The following FER variants were observed in gnomAD, a reference collection of about 807,000 sequenced individuals.
FER encodes FER tyrosine kinase, also known as tyrosine-protein kinase Fer.
In FER, 63 loss-of-function variants were observed where a neutral mutation model predicts 111.0. The observed-to-expected ratio is 0.57, with a 90% CI of 0.46 to 0.70. The LOEUF (loss-of-function observed/expected upper bound fraction) is 0.70, where lower values mean the gene tolerates loss of function less well. FER is among the 30% of genes least tolerant of loss of function. The probability of loss-of-function intolerance (pLI) is 0.00; values close to 1 mark genes in which losing one functional copy is unlikely to be tolerated. For synonymous variants in FER, 327 were observed against 313.9 expected, an observed-to-expected ratio of 1.04 and a Z score of -0.44; for missense variants, 914 against 954.0, an observed-to-expected ratio of 0.96 and a Z score of 0.55.
chr5:109,135,674 C>A (rs1007805360), intron 17 of FER, among the ~76,000 whole-genome samples: 1 of 152,086 alleles, frequency 6.6e-6, no homozygotes, highest in African/African-American at 2.4e-5. Flanking sequence ...CCACTATTAT[C>A]CAGTAATCCA....
chr5:109,031,412 C>G (rs12153646), intron 13 of FER, among the ~76,000 whole-genome samples: 28,218 of 151,970 alleles, frequency 0.19, 2,777 homozygotes, highest in Non-Finnish European at 0.22. Context: ...GTCCAATGAC[C>G]ATAGTATTTT....
intron 2 of FER, among the ~76,000 whole-genome samples, chr5:108,776,734 A>G (rs1272772277): frequency 6.6e-6 from 1 of 152,210 alleles, no homozygotes; most frequent in African/African-American, 2.4e-5. Context: ...TTTTTAAAAA[A>G]GTTTTAAATC....
At chr5:109,147,021 A>G (rs754675787) in intron 17 of FER, among the ~76,000 whole-genome samples, 11 of 152,086 alleles carry the variant, frequency 7.2e-5, no homozygotes, top group Non-Finnish European at 1.6e-4. Context: ...AATATATGTG[A>G]TAAGTGACCA....
chr5:109,051,273 C>A, intron 16 of FER: 1 of 1,334,082 alleles, frequency 7.5e-7, no homozygotes, highest in South Asian at 1.2e-5. Context: ...TTTTTCTTCT[C>A]CACAAGTGAG....
intron 13 of FER, among the ~76,000 whole-genome samples, chr5:108,984,171 G>T (rs1473220226): frequency 6.7e-6 from 1 of 149,226 alleles, no homozygotes; most frequent in South Asian, 2.1e-4. Flanking sequence ...AAAAGTAAAA[G>T]ATCCCTAAAA....
chr5:108,847,785 G>C (rs1448294184), intron 5 of FER, among the ~76,000 whole-genome samples: 1 of 151,974 alleles, frequency 6.6e-6, no homozygotes, highest in Non-Finnish European at 1.5e-5. Flanking sequence ...TAATAATATT[G>C]TTTGCTCTGT....
At chr5:108,845,041 C>CACATAT (rs1761848462) in intron 5 of FER, among the ~76,000 whole-genome samples, 1 of 46,392 alleles carries the variant, frequency 2.2e-5, no homozygotes, top group Non-Finnish European at 4.1e-5. Context: ...TATATATATA[C>CACATAT]ATATATATAT....
chr5:109,186,697 T>G (rs1009617667), intron 19 of FER, among the ~76,000 whole-genome samples: 2 of 152,236 alleles, frequency 1.3e-5, no homozygotes, highest in Non-Finnish European at 1.5e-5. Context: ...TCAGGAAGTC[T>G]TTGAGAATAT....
At chr5:109,136,847 C>T (rs1222448290) in intron 17 of FER, among the ~76,000 whole-genome samples, 1 of 152,060 alleles carries the variant, frequency 6.6e-6, no homozygotes, top group Non-Finnish European at 1.5e-5. Flanking sequence ...AAGCTTTAAC[C>T]ACTATGGCAT....
intron 16 of FER, among the ~76,000 whole-genome samples, chr5:109,082,180 T>G (rs1284430370): frequency 6.6e-6 from 1 of 152,084 alleles, no homozygotes; most frequent in Non-Finnish European, 1.5e-5. Flanking sequence ...ATTCTTTCTT[T>G]GTTCATTTCT....
At chr5:108,865,502 A>G (rs144530882) in intron 5 of FER, among the ~76,000 whole-genome samples, 3,217 of 152,260 alleles carry the variant, frequency 0.021, 110 homozygotes, top group African/African-American at 0.074. Flanking sequence ...CCTTGGCAAT[A>G]CCATTCAGGA....
intron 13 of FER, among the ~76,000 whole-genome samples, chr5:108,966,128 C>T (rs981727801): frequency 6.6e-6 from 1 of 152,136 alleles, no homozygotes; most frequent in African/African-American, 2.4e-5. Flanking sequence ...CATAAGCCTA[C>T]CTCAGACTTT....
At chr5:109,129,439 T>C (rs989377365) in intron 17 of FER, among the ~76,000 whole-genome samples, 6 of 152,042 alleles carry the variant, frequency 3.9e-5, no homozygotes, top group African/African-American at 9.7e-5. Context: ...CTGTATCATA[T>C]AGTAATTTTA....
At chr5:108,974,891 G>A (rs1186662009) in intron 13 of FER, among the ~76,000 whole-genome samples, 7 of 152,120 alleles carry the variant, frequency 4.6e-5, no homozygotes, top group Non-Finnish European at 8.8e-5. Flanking sequence ...AGCCCCAAGA[G>A]ACTCATTCTG....
At chr5:108,973,219 A>G (rs1349078989) in intron 13 of FER, among the ~76,000 whole-genome samples, 1 of 152,158 alleles carries the variant, frequency 6.6e-6, no homozygotes, top group African/African-American at 2.4e-5. Context: ...TTTAAAAAAC[A>G]CCATTTATCT....
chr5:108,808,092 C>A (rs1183538947), intron 3 of FER, among the ~76,000 whole-genome samples: 1 of 150,762 alleles, frequency 6.6e-6, no homozygotes, highest in Non-Finnish European at 1.5e-5. Context: ...AATGTGTATT[C>A]TGTGTATGAT....
chr5:109,108,732 A>G (rs753173871), intron 17 of FER, among the ~76,000 whole-genome samples: 3 of 152,144 alleles, frequency 2.0e-5, no homozygotes, highest in African/African-American at 7.2e-5. Flanking sequence ...CACTTTTTCT[A>G]GTTAGTCTTG....
At chr5:108,844,096 A>ATATG (rs1761597215) in intron 5 of FER, among the ~76,000 whole-genome samples, 7 of 147,524 alleles carry the variant, frequency 4.7e-5, no homozygotes, top group African/African-American at 1.8e-4. Context: ...GTGTGAACAT[A>ATATG]TGTGTGTGAA....
intron 9 of FER, among the ~76,000 whole-genome samples, chr5:108,892,836 A>G (rs1280183977): frequency 1.3e-5 from 2 of 152,140 alleles, no homozygotes; most frequent in East Asian, 1.9e-4. Flanking sequence ...TCTTGAATTA[A>G]TTTCTGTATA....
Sources: gnomAD v4.1 joint callset for allele counts (sites outside exome capture counted in the v4.1 genomes callset) on GRCh38, gnomAD v4.1.1 for gene constraint, MANE v1.5 for transcripts, NCBI Gene and HGNC (gene_info 2026-07-23, HGNC 2026-07-21) for gene names.